The following KIAA1671 variants were observed in gnomAD, a reference collection of about 807,000 sequenced individuals.
KIAA1671 encodes the protein uncharacterized protein KIAA1671.
A neutral mutation model predicts 131.2 loss-of-function variants in KIAA1671; 52 were observed. The ratio of observed to expected loss-of-function variants is 0.40; its 90% CI spans 0.32 to 0.50. The LOEUF (loss-of-function observed/expected upper bound fraction) is 0.50. KIAA1671 is among the 20% of genes least tolerant of loss of function. The pLI, the probability that KIAA1671 is intolerant of heterozygous loss-of-function variation, is 0.73. For synonymous variants in KIAA1671, 1,003 were observed against 961.6 expected (o/e 1.04, Z -0.80); for missense variants, 2,360 against 2,364.2 (o/e 1.00, Z 0.04).
intron 5 of KIAA1671, among the ~76,000 whole-genome samples, chr22:25,046,192 C>T (rs1927216408): frequency 6.6e-6 from 1 of 152,026 alleles, no homozygotes; most frequent in African/African-American, 2.4e-5. Context: ...GACCCAGCTA[C>T]TTAGGAGGCT....
intron 6 of KIAA1671, among the ~76,000 whole-genome samples, chr22:25,123,647 G>A (rs1932050008): frequency 6.6e-6 from 1 of 152,192 alleles, no homozygotes; most frequent in South Asian, 2.1e-4. Flanking sequence ...TCCACCACCA[G>A]CAAGGAACTG....
intron 6 of KIAA1671, among the ~76,000 whole-genome samples, chr22:25,108,762 C>G (rs147468995): frequency 6.6e-6 from 1 of 152,312 alleles, no homozygotes; most frequent in East Asian, 1.9e-4. Context: ...CCTCTGGGCA[C>G]TTGTATCTCT....
chr22:24,996,457 G>T lies in KIAA1671; in HGVS notation c.-207-29176G>T, dbSNP rs556059339. 3.9e-5 allele frequency among the ~76,000 whole-genome samples: 6 copies of T among 152,288 alleles called. No homozygotes were observed. The East Asian group carries it at 1.2e-3, about 29-fold the overall frequency. ...TCCTTTTCAGACTTAGCTTTGGGAG[G>T]CAGTGTGTCAGCCTGGAGTGCGGGC... On this transcript the variant is annotated intron_variant, in intron 1 of 12. Transcript: ENST00000358431.
At chr22:25,078,520 C>A (rs1487566200) in intron 6 of KIAA1671, among the ~76,000 whole-genome samples, 8 of 152,082 alleles carry the variant, frequency 5.3e-5, no homozygotes, top group Non-Finnish European at 7.4e-5. Context: ...CAGAGCAAGA[C>A]CCTGTCTCAA....
chr22:24,975,400 C>A (rs540332899), intron 1 of KIAA1671, among the ~76,000 whole-genome samples: 4 of 151,758 alleles, frequency 2.6e-5, no homozygotes, highest in Admixed American at 2.6e-4. Context: ...CTCACTGCAC[C>A]TTCGACCTCC....
intron 1 of KIAA1671, among the ~76,000 whole-genome samples, chr22:25,005,228 G>T (rs12170828): frequency 6.6e-6 from 1 of 150,990 alleles, no homozygotes; most frequent in Non-Finnish European, 1.5e-5. Flanking sequence ...CGCACGTGTA[G>T]TCCCAGCTAC....
intron 6 of KIAA1671, among the ~76,000 whole-genome samples, chr22:25,163,146 G>A (rs769891327): frequency 9.9e-5 from 15 of 151,868 alleles, no homozygotes; most frequent in Middle Eastern, 6.8e-3. Context: ...TGGGCAACAC[G>A]GTGAAACCTT....
chr22:25,176,116 G>A (rs575048792), intron 8 of KIAA1671: 2 of 152,312 alleles, frequency 1.3e-5, no homozygotes, highest in East Asian at 3.9e-4. Flanking sequence ...TGAAAACCTG[G>A]CTCTGTTAAG....
chr22:25,076,608 T>G (rs1929121954), intron 6 of KIAA1671, among the ~76,000 whole-genome samples: 1 of 152,256 alleles, frequency 6.6e-6, no homozygotes, highest in South Asian at 2.1e-4. Flanking sequence ...AGCTGAGGGC[T>G]ACAGCCTCTG....
intron 1 of KIAA1671, among the ~76,000 whole-genome samples, chr22:24,979,091 G>A (rs146637825): frequency 0.011 from 1,655 of 151,282 alleles, 31 homozygotes; most frequent in African/African-American, 0.038. Flanking sequence ...TGCCTCCAAG[G>A]TTCAAGCGAT....
intron 1 of KIAA1671, among the ~76,000 whole-genome samples, chr22:24,998,984 A>C (rs1044582539): frequency 3.3e-5 from 5 of 152,028 alleles, no homozygotes; most frequent in Admixed American, 6.6e-5. Flanking sequence ...TCATATATAA[A>C]TTTTTCATGG....
Position 25,170,134 on chromosome 22 carries a change from C to T in KIAA1671, c.4531-686C>T, listed in dbSNP as rs533999184. 2.6e-5 allele frequency among the ~76,000 whole-genome samples: 4 copies of T among 152,216 alleles called. No individual in the cohort carries two copies. In the South Asian group the frequency reaches 8.3e-4, roughly 32 times the overall value. On this transcript the variant is annotated intron_variant, in intron 6 of 12. Coordinates refer to ENST00000358431, the MANE Select transcript of KIAA1671 (RefSeq NM_001145206.2). The stretch of plus-strand genomic sequence containing the variant: ...TTCACCATGTTAGCCAGGATGGTCT[C>T]GATCTCCTGACCTCGTGATCCGCCC...
At chr22:25,001,677 A>C (rs1602057827) in intron 1 of KIAA1671, among the ~76,000 whole-genome samples, 1 of 152,082 alleles carries the variant, frequency 6.6e-6, no homozygotes, top group East Asian at 1.9e-4. Flanking sequence ...CCTTTAGGGC[A>C]CTTTCTATTT....
chr22:25,181,375 C>T (rs1255931250), intron 9 of KIAA1671, among the ~76,000 whole-genome samples: 2 of 151,016 alleles, frequency 1.3e-5, no homozygotes, highest in African/African-American at 2.4e-5. Context: ...TTCCTATCTA[C>T]TTTCCTGCCT....
chr22:25,188,562 T>C (rs534580233), intron 11 of KIAA1671, among the ~76,000 whole-genome samples: 2 of 152,086 alleles, frequency 1.3e-5, no homozygotes, highest in Admixed American at 1.3e-4. Flanking sequence ...GTCAAAAATC[T>C]GCATGTAGCT....
intron 6 of KIAA1671, among the ~76,000 whole-genome samples, chr22:25,084,935 G>A (rs1269372371): frequency 6.6e-6 from 1 of 152,222 alleles, no homozygotes; most frequent in African/African-American, 2.4e-5. Context: ...GCAGCTTAGG[G>A]CTCTGGAAGT....
chr22:25,179,683 G>C, intron 9 of KIAA1671: 1 of 612,876 alleles, frequency 1.6e-6, no homozygotes, highest in Non-Finnish European at 2.9e-6. Flanking sequence ...TGTTTTGAAG[G>C]TTAGTATATT....
At chr22:25,073,883 G>A (rs1013815258) in intron 6 of KIAA1671, among the ~76,000 whole-genome samples, 1 of 152,094 alleles carries the variant, frequency 6.6e-6, no homozygotes, top group Non-Finnish European at 1.5e-5. Context: ...TAATAGGGAC[G>A]GGGTTTCACC....
intron 1 of KIAA1671, among the ~76,000 whole-genome samples, chr22:25,003,776 A>G (rs1231254132): frequency 6.6e-6 from 1 of 151,724 alleles, no homozygotes; most frequent in Non-Finnish European, 1.5e-5. Flanking sequence ...CTCAGTATCC[A>G]TACATTCAAA....
Sources: allele counts gnomAD v4.1 joint callset (sites outside exome capture counted in the v4.1 genomes callset), GRCh38; gene constraint gnomAD v4.1.1; transcripts MANE v1.5; gene names NCBI Gene and HGNC (gene_info 2026-07-23, HGNC 2026-07-21).